The following VPS13D variants were observed in gnomAD, a reference collection of about 807,000 sequenced individuals.
VPS13D encodes the protein intermembrane lipid transfer protein VPS13D.
A neutral mutation model predicts 461.9 loss-of-function variants in VPS13D; 187 were observed. The ratio of observed to expected loss-of-function variants is 0.40; its 90% CI spans 0.36 to 0.46. The LOEUF (loss-of-function observed/expected upper bound fraction) is 0.46. Ranked by LOEUF, VPS13D falls within the 20% of genes least tolerant of loss-of-function variation. VPS13D has a pLI of 0.60. For missense variants in VPS13D, 4,711 were observed against 5,364.9 expected (o/e 0.88, Z 3.81); for synonymous variants, 1,951 against 1,986.3 (o/e 0.98, Z 0.47).
intron 24 of VPS13D, 43 bp downstream of exon 24, chr1:12,293,747 G>T: frequency 6.3e-7 from 1 of 1,585,146 alleles, no homozygotes; most frequent in South Asian, 1.1e-5. Flanking sequence ...CAGTTTGACT[G>T]ATCAGTAGAA....
intron 65 of VPS13D, among the ~76,000 whole-genome samples, chr1:12,437,407 A>G (rs951562682): frequency 1.3e-5 from 2 of 152,200 alleles, no homozygotes; most frequent in African/African-American, 4.8e-5. Flanking sequence ...TTCCTGTGCA[A>G]TTTGGAGCTC....
chr1:12,304,809 T>C, intron 26 of VPS13D, 81 bp downstream of exon 26: 1 of 1,353,862 alleles, frequency 7.4e-7, no homozygotes, highest in African/African-American at 1.4e-5. Context: ...GGGTGGGCAT[T>C]GTGTTCAAGC....
chr1:12,362,009 C>T lies in VPS13D; in HGVS notation c.10142-711C>T, dbSNP rs575086534. Among the ~76,000 whole-genome samples the T allele has an allele frequency of 3.3e-5, 5 of 152,226 alleles. No homozygotes were observed. In the East Asian group the frequency reaches 7.7e-4, roughly 24 times the overall value. ...TCCCGAGTAGCTGAGACTACAGGTG[C>T]GTGCCACCATGCCCAGCTAATTTTT... On this transcript the variant is annotated intron_variant, in intron 50 of 69. Coordinates refer to ENST00000620676, the MANE Select transcript of VPS13D (RefSeq NM_015378.4).
Position 12,509,252 on chromosome 1 carries a change from TTAAA to T in VPS13D, c.*232_*235del. The T allele has an allele frequency of 1.9e-6, 1 of 528,272 alleles. No individual in the cohort carries two copies. Among genetic ancestry groups the T allele is most frequent in the South Asian group, 3.1e-5 (1 of 32,434 alleles). The allele number at this position is 528,272 out of a possible 1,614,324, so 32.7% of individuals were successfully genotyped here. On this transcript the variant is annotated 3_prime_UTR_variant, in exon 70 of 70. Transcript: ENST00000620676. ...GGGAAATAATTTTTAAAGGTATTGG[TTAAA>T]TAACGTTTAAAAACATGTACTGAGA...
At chr1:12,377,769 G>A (rs989948026) in intron 55 of VPS13D, among the ~76,000 whole-genome samples, 3 of 143,442 alleles carry the variant, frequency 2.1e-5, no homozygotes, top group South Asian at 2.2e-4. Context: ...GTAGTGAGCC[G>A]AGATCGCACT....
At chr1:12,443,891 G>GCTC (rs1645160064) in intron 65 of VPS13D, among the ~76,000 whole-genome samples, 1 of 151,070 alleles carries the variant, frequency 6.6e-6, no homozygotes, top group Non-Finnish European at 1.5e-5. Flanking sequence ...TGTTGTCCAG[G>GCTC]CTGGAGTACA....
At chr1:12,348,650 A>G (rs974134653) in intron 44 of VPS13D, among the ~76,000 whole-genome samples, 173 bp from the exon 45 acceptor site, 1 of 152,072 alleles carries the variant, frequency 6.6e-6, no homozygotes, top group Non-Finnish European at 1.5e-5. Context: ...TTAACAGTGT[A>G]TAGGATGTTT....
intron 35 of VPS13D, among the ~76,000 whole-genome samples, chr1:12,324,316 G>A (rs1643122942): frequency 6.6e-6 from 1 of 152,184 alleles, no homozygotes; most frequent in African/African-American, 2.4e-5. Flanking sequence ...AGACCAGCCT[G>A]ACCAACATGG....
At chr1:12,462,670 T>C (rs1244211260) in intron 67 of VPS13D, among the ~76,000 whole-genome samples, 1 of 152,222 alleles carries the variant, frequency 6.6e-6, no homozygotes, top group Non-Finnish European at 1.5e-5. Flanking sequence ...TGGATTTCTC[T>C]TGTACGTGTT....
At chr1:12,342,321 C>T (rs192367199) in intron 41 of VPS13D, among the ~76,000 whole-genome samples, 9 of 152,324 alleles carry the variant, frequency 5.9e-5, no homozygotes, top group Non-Finnish European at 1.2e-4. Context: ...CTAAAACGCA[C>T]TTCAACCCAG....
chr1:12,423,365 A>G (rs187651683), intron 65 of VPS13D, among the ~76,000 whole-genome samples: 1 of 152,196 alleles, frequency 6.6e-6, no homozygotes, highest in African/African-American at 2.4e-5. Flanking sequence ...TATTCTAGAC[A>G]TGCCTCTATG....
intron 49 of VPS13D, among the ~76,000 whole-genome samples, chr1:12,357,998 C>T (rs1190056380): frequency 1.4e-5 from 2 of 147,202 alleles, no homozygotes; most frequent in Non-Finnish European, 3.0e-5. Context: ...AGCAAGATTC[C>T]ACCTCAAAAA....
At chr1:12,306,659 T>C (rs1292748825) in intron 26 of VPS13D, among the ~76,000 whole-genome samples, 1 of 152,194 alleles carries the variant, frequency 6.6e-6, no homozygotes, top group Non-Finnish European at 1.5e-5. Context: ...TTTCACACTG[T>C]TTCCATGTAA....
At chr1:12,431,355 G>C (rs1283126999) in intron 65 of VPS13D, among the ~76,000 whole-genome samples, 1 of 151,556 alleles carries the variant, frequency 6.6e-6, no homozygotes, top group Non-Finnish European at 1.5e-5. Context: ...CCAGCCTTTA[G>C]CCCTCTCAAA....
At chr1:12,363,641 A>T (rs1643983739) in intron 52 of VPS13D, among the ~76,000 whole-genome samples, 1 of 152,156 alleles carries the variant, frequency 6.6e-6, no homozygotes, top group South Asian at 2.1e-4. Flanking sequence ...CTAATGTGGT[A>T]ACACTCAGTT....
At position 12,369,469 on chromosome 1, in the gene VPS13D, C is replaced by T; in HGVS notation, c.10575C>T (p.Val3525=). Residue 3525 remains valine (V), a splice_region_variant and synonymous_variant, in exon 54 of 70, where the codon GTC becomes GTT. Coordinates refer to ENST00000620676, the MANE Select transcript of VPS13D (RefSeq NM_015378.4). ...PPFRIDNFSK[V]PVVFTQHGVA... ...TGTCCTCTCTGCCATCACTCTAGGT[C>T]CCGGTTGTCTTTACTCAGCATGGCG... The T allele has an allele frequency of 6.2e-7, 1 of 1,614,062 alleles. No individual in the cohort carries two copies.
At chr1:12,290,299 C>G (rs2101418294) in intron 22 of VPS13D, among the ~76,000 whole-genome samples, 1 of 152,294 alleles carries the variant, frequency 6.6e-6, no homozygotes, top group South Asian at 2.1e-4. Context: ...TAACATGTTT[C>G]TGACACGTCC....
intron 46 of VPS13D, among the ~76,000 whole-genome samples, chr1:12,351,782 G>A (rs1005765161): frequency 7.1e-5 from 10 of 141,318 alleles, no homozygotes; most frequent in Non-Finnish European, 1.1e-4. Context: ...AGTAGAGATG[G>A]GGTTTCACCA....
rs562613737 is a variant in VPS13D, at chr1:12,390,815, C to A, written c.11634+4481C>A. On this transcript the variant is annotated intron_variant, in intron 60 of 69. Transcript: ENST00000620676. ...TCCATGTTGCTGAGCCCATGCATAACCTCCATCCCTGCCACCATGGCCACT... is the reference window on the plus strand; with the variant it reads ...TCCATGTTGCTGAGCCCATGCATAAACTCCATCCCTGCCACCATGGCCACT... Among the ~76,000 whole-genome samples the A allele has an allele frequency of 3.9e-5, 6 of 152,288 alleles. No individual in the cohort carries two copies. The East Asian group carries it at 1.2e-3, about 29-fold the overall frequency.
Sources: gnomAD v4.1 joint callset for allele counts (sites outside exome capture counted in the v4.1 genomes callset) on GRCh38, gnomAD v4.1.1 for gene constraint, MANE v1.5 for transcripts, NCBI Gene and HGNC (gene_info 2026-07-23, HGNC 2026-07-21) for gene names.